The following CHRM5 variants were observed in gnomAD, a reference collection of about 807,000 sequenced individuals.
The protein encoded by CHRM5 is muscarinic acetylcholine receptor M5.
Under a neutral mutation model 39.0 loss-of-function variants are expected in CHRM5, and 18 were observed. The observed-to-expected ratio is 0.46, with a 90% CI of 0.32 to 0.68. CHRM5 has a LOEUF of 0.68. Ranked by LOEUF, CHRM5 falls within the 30% of genes least tolerant of loss-of-function variation. The pLI is 0.04. For missense variants in CHRM5, 515 were observed against 651.1 expected (o/e 0.79, Z 2.28); for synonymous variants, 241 against 246.3 (o/e 0.98, Z 0.20).
chr15:34,034,782 G>A (rs1379492928), intron 1 of CHRM5, among the ~76,000 whole-genome samples: 1 of 152,180 alleles, frequency 6.6e-6, no homozygotes, highest in Non-Finnish European at 1.5e-5. Flanking sequence ...TGCAGCAGGA[G>A]GAGAGGTCAA....
rs956568451 is a variant in CHRM5 at position 34,064,755 on chromosome 15, C to G, written c.*439C>G. Reference sequence around the variant, plus strand: ...GCTGTCTTGTGCCAGTGAGAACCAGCAGGAGAATGTACAACAGTGTCACTT... The same window carrying G: ...GCTGTCTTGTGCCAGTGAGAACCAGGAGGAGAATGTACAACAGTGTCACTT... On this transcript the variant is annotated 3_prime_UTR_variant, in exon 3 of 3. Coordinates refer to ENST00000383263, the MANE Select transcript of CHRM5 (RefSeq NM_012125.4). The G allele has an allele frequency of 3.0e-5, 6 of 197,292 alleles. No individual in the cohort carries two copies. The highest frequency in any genetic ancestry group is 1.4e-4 in the African/African-American group (6 of 42,140). 12.2% of individuals were successfully genotyped at this position (197,292 alleles called of 1,614,324 possible).
At chr15:34,012,758 G>C (rs1002761877) in intron 1 of CHRM5, among the ~76,000 whole-genome samples, 6 of 152,196 alleles carry the variant, frequency 3.9e-5, no homozygotes, top group Non-Finnish European at 8.8e-5. Context: ...ACTTTAACAA[G>C]TAAAGCATTA....
intron 1 of CHRM5, among the ~76,000 whole-genome samples, chr15:34,033,302 T>A (rs1363257565): frequency 6.6e-6 from 1 of 152,110 alleles, no homozygotes; most frequent in African/African-American, 2.4e-5. Flanking sequence ...CCTCAGGAGT[T>A]CAAAACCAGC....
intron 1 of CHRM5, among the ~76,000 whole-genome samples, chr15:34,044,416 C>T (rs1338832812): frequency 6.6e-6 from 1 of 152,112 alleles, no homozygotes; most frequent in Non-Finnish European, 1.5e-5. Flanking sequence ...TTGTTGTTTC[C>T]AGAACAATAC....
At chr15:33,975,368 C>G (rs1232064772) in intron 1 of CHRM5, among the ~76,000 whole-genome samples, 5 of 152,196 alleles carry the variant, frequency 3.3e-5, no homozygotes, top group Non-Finnish European at 7.3e-5. Context: ...GGTTGCGAAA[C>G]AGTGCTACTT....
At chr15:34,038,646 T>C in intron 1 of CHRM5, 1 of 798,562 alleles carries the variant, frequency 1.3e-6, no homozygotes, top group Non-Finnish European at 1.6e-6. Flanking sequence ...CATCCGCCCG[T>C]CCCGCGCAGG....
At chr15:34,057,131 G>GT (rs1209831253) in intron 2 of CHRM5, among the ~76,000 whole-genome samples, 1 of 45,314 alleles carries the variant, frequency 2.2e-5, no homozygotes, top group Non-Finnish European at 1.5e-4. Flanking sequence ...GAAGAGTTTT[G>GT]GTTTTTTTTG....
chr15:34,014,617 A>G (rs1897802851), intron 1 of CHRM5, among the ~76,000 whole-genome samples: 1 of 152,174 alleles, frequency 6.6e-6, no homozygotes, highest in South Asian at 2.1e-4. Flanking sequence ...AGTGTCTGTG[A>G]GAGGAAGCAG....
At chr15:33,995,508 C>T (rs2140589626) in intron 1 of CHRM5, among the ~76,000 whole-genome samples, 1 of 152,262 alleles carries the variant, frequency 6.6e-6, no homozygotes, top group South Asian at 2.1e-4. Flanking sequence ...CCACAGGCGT[C>T]CTGAAACCAT....
At chr15:34,035,887 G>A (rs773635447) in intron 1 of CHRM5, among the ~76,000 whole-genome samples, 6 of 152,090 alleles carry the variant, frequency 3.9e-5, no homozygotes, top group East Asian at 3.9e-4. Context: ...CTCCACCTCC[G>A]GGGCTCAAAA....
At chr15:34,062,191 G>A (rs1288145798) in intron 2 of CHRM5, among the ~76,000 whole-genome samples, 1 of 152,184 alleles carries the variant, frequency 6.6e-6, no homozygotes, top group Non-Finnish European at 1.5e-5. Flanking sequence ...AAAAATAGGT[G>A]ATCAAACTTT....
chr15:34,035,723 C>G (rs372530763), intron 1 of CHRM5, among the ~76,000 whole-genome samples: 5 of 152,286 alleles, frequency 3.3e-5, no homozygotes, highest in African/African-American at 1.2e-4. Flanking sequence ...CTGCTAACAG[C>G]CCATCACAAA....
chr15:34,012,265 C>A (rs1282735863), intron 1 of CHRM5, among the ~76,000 whole-genome samples: 1 of 139,064 alleles, frequency 7.2e-6, no homozygotes, highest in Admixed American at 6.9e-5. Context: ...CTTTGCCAAT[C>A]TATTTAATCC....
chr15:34,060,872 C>T (rs1472438154), intron 2 of CHRM5, among the ~76,000 whole-genome samples: 3 of 151,520 alleles, frequency 2.0e-5, no homozygotes, highest in Admixed American at 6.6e-5. Flanking sequence ...CTCTGTTAGC[C>T]GGGCGTGGTG....
chr15:34,000,487 C>T lies in CHRM5; in HGVS notation c.-408+31337C>T, dbSNP rs1007719613. ...ACTCTCTCATCTTTACCGTGGAAAGCAATTTGGCAATATCTAGAAAAGTTT... is the reference window on the plus strand; with the variant it reads ...ACTCTCTCATCTTTACCGTGGAAAGTAATTTGGCAATATCTAGAAAAGTTT... On this transcript the variant is annotated intron_variant, in intron 1 of 2. Coordinates refer to ENST00000383263, the MANE Select transcript of CHRM5 (RefSeq NM_012125.4). Among the ~76,000 whole-genome samples, 5 of 152,180 alleles carry T rather than the reference C, an allele frequency of 3.3e-5. No homozygotes were observed. In the East Asian group the frequency reaches 7.7e-4, roughly 23 times the overall value.
intron 1 of CHRM5, among the ~76,000 whole-genome samples, chr15:33,980,340 T>C (rs1273865814): frequency 6.6e-6 from 1 of 152,206 alleles, no homozygotes. Context: ...ATGTCTTAAC[T>C]TGACAAGACC....
Position 33,983,361 on chromosome 15 carries a change from C to T in CHRM5, c.-408+14211C>T, listed in dbSNP as rs1484986450. 3.3e-5 allele frequency among the ~76,000 whole-genome samples: 5 copies of T among 151,720 alleles called. 1 individual carries two copies. Among genetic ancestry groups the T allele is most frequent in the East Asian group, 1.9e-4 (1 of 5,162 alleles). On this transcript the variant is annotated intron_variant, in intron 1 of 2. Transcript: ENST00000383263. ...TTGATGTTTCACCTTGTTTTACAAA[C>T]GTACCCTCATTAACCCCATTCAGTT...
rs201350717 is a variant in CHRM5, at chr15:34,063,131, T to C, written c.414T>C (p.Tyr138=). The C allele has an allele frequency of 1.2e-6, 2 of 1,614,124 alleles. No homozygotes were observed. Among genetic ancestry groups the C allele is most frequent in the East Asian group, 2.2e-5 (1 of 44,886 alleles). ...TTTCCATCACAAGACCCTTGACATATCGGGCCAAGCGTACTCCGAAAAGGG... is the reference window on the plus strand; with the variant it reads ...TTTCCATCACAAGACCCTTGACATACCGGGCCAAGCGTACTCCGAAAAGGG... The part of the protein sequence containing the change: ...RYFSITRPLT[Y]RAKRTPKRAG... The change falls in exon 3 of 3, where the codon TAT becomes TAC. Residue 138 remains tyrosine, a synonymous_variant. Transcript: ENST00000383263. This position sits in a 1 kb window ranked among gnomAD's most constrained non-coding sequence, Gnocchi z 4.1.
intron 1 of CHRM5, among the ~76,000 whole-genome samples, chr15:33,996,907 T>G (rs945397398): frequency 2.0e-5 from 3 of 152,110 alleles, no homozygotes; most frequent in East Asian, 3.9e-4. Flanking sequence ...AACAAACTTC[T>G]CCCAGCTAAA....
Sources: allele counts gnomAD v4.1 joint callset (sites outside exome capture counted in the v4.1 genomes callset), GRCh38; gene constraint gnomAD v4.1.1; non-coding constraint Gnocchi (gnomAD v3.1); transcripts MANE v1.5; gene names NCBI Gene and HGNC (gene_info 2026-07-23, HGNC 2026-07-21).